Variants in HIF3A observed in about 807,000 individuals in gnomAD.
HIF3A encodes the protein hypoxia-inducible factor 3-alpha.
In HIF3A, 41 loss-of-function variants were observed where a neutral mutation model predicts 67.2. The ratio of observed to expected loss-of-function variants is 0.61; its 90% confidence interval spans 0.48 to 0.79. The LOEUF (loss-of-function observed/expected upper bound fraction) is 0.79, where lower values mean the gene tolerates loss of function less well. HIF3A is among the 30% of genes least tolerant of loss of function. HIF3A has a pLI of 0.00. For missense variants in HIF3A, 855 were observed against 898.0 expected, an observed-to-expected ratio of 0.95 and a Z score of 0.61; for synonymous variants, 356 against 374.8, an observed-to-expected ratio of 0.95 and a Z score of 0.58.
chr19:46,303,614 G>T (rs993709033), intron 1 of HIF3A: 3 of 1,565,022 alleles, frequency 1.9e-6, no homozygotes, highest in African/African-American at 2.7e-5. Context: ...AGTCAGGGAG[G>T]GGACAGAGCG....
chr19:46,318,155 T>C (rs1237077205), intron 8 of HIF3A, among the ~76,000 whole-genome samples: 1 of 151,784 alleles, frequency 6.6e-6, no homozygotes, highest in Non-Finnish European at 1.5e-5. Context: ...ATTACCACTA[T>C]CTAACCCAAC....
intron 13 of HIF3A, among the ~76,000 whole-genome samples, chr19:46,333,042 A>G (rs1327483344): frequency 2.4e-4 from 36 of 151,654 alleles, no homozygotes; most frequent in Admixed American, 2.0e-3. Flanking sequence ...GTGTATATAT[A>G]TGTATATATG....
rs760138491 is a variant in HIF3A at position 46,331,243 on chromosome 19, C to T, written c.1800C>T (p.His600=). 3.6e-5 allele frequency: 58 copies of T among 1,613,814 alleles called. No homozygotes were observed. Among genetic ancestry groups the T allele is most frequent in the South Asian group, 1.6e-4 (15 of 91,084 alleles). ...RPPKRSPSPE[H]ENFLLFPLSL... is the part of the protein sequence containing the mutation. ...CCAAAAGGTCCCCCAGCCCAGAACA[C>T]GAAAACTTTCTGCTCTTTCCTCTCA... The change falls in exon 13 of 15, where the codon CAC becomes CAT. Residue 600 remains histidine, a synonymous_variant. Coordinates refer to ENST00000377670, the MANE Select transcript of HIF3A (RefSeq NM_152795.4).
intron 1 of HIF3A, chr19:46,298,525 C>T (rs1362818951): frequency 1.6e-6 from 2 of 1,268,408 alleles, no homozygotes; most frequent in Non-Finnish European, 2.0e-6. Flanking sequence ...GTGAGTGGGC[C>T]CCCAACACCT....
intron 1 of HIF3A, among the ~76,000 whole-genome samples, chr19:46,300,619 C>T (rs1968238866): frequency 6.6e-6 from 1 of 152,174 alleles, no homozygotes; most frequent in Admixed American, 6.5e-5. Flanking sequence ...CAAGATCAAG[C>T]CACTGCACTC....
intron 1 of HIF3A, chr19:46,303,544 C>A: frequency 7.6e-7 from 1 of 1,322,402 alleles, no homozygotes; most frequent in Non-Finnish European, 9.9e-7. Context: ...CCAGCCCCCT[C>A]CCAGCAGGGG....
rs1363174276 is a variant in HIF3A at position 46,333,805 on chromosome 19, T to C, written c.1831-1100T>C. Among the ~76,000 whole-genome samples the C allele has an allele frequency of 2.1e-5, 3 of 140,214 alleles. No individual in the cohort carries two copies. In the East Asian group the frequency reaches 6.0e-4, roughly 28 times the overall value. The allele number at this position is 140,214 out of a possible 152,430, so 92.0% of individuals were successfully genotyped here. On this transcript the variant is annotated intron_variant, in intron 13 of 14. Coordinates refer to ENST00000377670, the MANE Select transcript of HIF3A (RefSeq NM_152795.4). ...CTTTCTTTCTTTTTTTTTTTTTTTT[T>C]TTTTTGAGACAGAGTCTCACTCTGT... is the stretch of plus-strand genomic sequence containing the variant.
intron 3 of HIF3A, 150 bp from the exon 4 acceptor site, chr19:46,308,069 GAT>G: frequency 1.5e-6 from 1 of 684,380 alleles, no homozygotes. Flanking sequence ...TCAGTGGGTG[GAT>G]GGATGGATGG....
At chr19:46,303,645 A>G in intron 1 of HIF3A, 6 of 1,584,114 alleles carry the variant, frequency 3.8e-6, no homozygotes, top group Non-Finnish European at 5.1e-6. Context: ...CGCCACAGAG[A>G]GGAGCGAGGC....
chr19:46,323,828 T>C (rs1970566187), intron 10 of HIF3A, among the ~76,000 whole-genome samples: 2 of 152,032 alleles, frequency 1.3e-5, no homozygotes, highest in Admixed American at 1.3e-4. Flanking sequence ...TATAAAACCA[T>C]CAGCTCTCAT....
chr19:46,304,209 C>A, intron 2 of HIF3A, 121 bp downstream of exon 2: 2 of 793,954 alleles, frequency 2.5e-6, no homozygotes, highest in South Asian at 1.8e-5. Context: ...CCCCTGGTGT[C>A]GTTTTTTTCG....
At position 46,320,498 on chromosome 19, in the gene HIF3A, C is replaced by T. The variant is rs202088407; in HGVS notation, c.1081C>T (p.Arg361Cys). The T allele has an allele frequency of 6.5e-5, 105 of 1,614,154 alleles. No individual in the cohort carries two copies. The East Asian group carries it at 1.5e-3, about 23-fold the overall frequency. The change falls in exon 9 of 15, where the codon CGC becomes TGC. Residue 361 changes from arginine (R) to cysteine (C), a missense_variant. Physicochemically the swap from Arg to Cys is radical, Grantham distance 180. Coordinates refer to ENST00000377670, the MANE Select transcript of HIF3A (RefSeq NM_152795.4). The part of the protein sequence containing the change: ...LSLEQTEQHS[R>C]RPIQRGAPSQ... ...CCTGGAGCAAACGGAGCAACACTCTCGCAGACCCATTCAGCGGGGCGCCCC... is the reference window on the plus strand; with the variant it reads ...CCTGGAGCAAACGGAGCAACACTCTTGCAGACCCATTCAGCGGGGCGCCCC...
intron 8 of HIF3A, chr19:46,313,244 C>G (rs572830876): frequency 2.4e-6 from 2 of 848,564 alleles, no homozygotes; most frequent in Non-Finnish European, 2.7e-6. Context: ...GAGCGAGACT[C>G]TGTCTCAAAC....
chr19:46,300,371 C>T (rs995499167), intron 1 of HIF3A, among the ~76,000 whole-genome samples: 1 of 152,136 alleles, frequency 6.6e-6, no homozygotes, highest in Admixed American at 6.5e-5. Context: ...AACAGTAAGT[C>T]TAACCTTGGC....
At chr19:46,326,500 C>T (rs1970793158) in intron 11 of HIF3A, among the ~76,000 whole-genome samples, 1 of 152,076 alleles carries the variant, frequency 6.6e-6, no homozygotes, top group Non-Finnish European at 1.5e-5. Flanking sequence ...TCATTGGGAA[C>T]TTCCAATGAT....
Position 46,339,882 on chromosome 19 carries a change from G to A in HIF3A, c.*260G>A. The A allele has an allele frequency of 2.6e-6, 1 of 385,060 alleles. No homozygotes were observed. Among genetic ancestry groups the A allele is most frequent in the South Asian group, 1.1e-4 (1 of 8,770 alleles). The allele number at this position is 385,060 out of a possible 1,614,324, so 23.9% of individuals were successfully genotyped here. On this transcript the variant is annotated 3_prime_UTR_variant, in exon 15 of 15. Transcript: ENST00000377670. ...TCCTCCTTCTCTCAGGATTTCTCTT[G>A]GGGTTCTCAATACTTGGTTACCTCA... is the stretch of plus-strand genomic sequence containing the variant.
chr19:46,339,877 C>A lies in HIF3A; in HGVS notation c.*255C>A. ...CCCCCTCCTCCTTCTCTCAGGATTT[C>A]TCTTGGGGTTCTCAATACTTGGTTA... On this transcript the variant is annotated 3_prime_UTR_variant, in exon 15 of 15. Transcript: ENST00000377670. 5.1e-6 allele frequency: 2 copies of A among 389,510 alleles called. No homozygotes were observed. The highest frequency in any genetic ancestry group is 1.1e-4 in the South Asian group (1 of 8,946). 24.1% of individuals were successfully genotyped at this position (389,510 alleles called of 1,614,324 possible). A position where few individuals can be genotyped will look rare whatever the true frequency, so the allele number is the denominator to read the frequency against.
rs184228589 is a variant in HIF3A, at chr19:46,321,804, C to T, written c.1173C>T (p.Phe391=). 57 of 1,613,844 alleles carry T rather than the reference C, an allele frequency of 3.5e-5. No homozygotes were observed. The highest frequency in any genetic ancestry group is 3.1e-4 in the East Asian group (14 of 44,860). ...CCCCTGGCCCCCGGATCCTTGCCTTCCTGCACCCGCCTTCCCTGAGCGAGG... is the reference window on the plus strand; with the variant it reads ...CCCCTGGCCCCCGGATCCTTGCCTTTCTGCACCCGCCTTCCCTGAGCGAGG... ...LDTPGPRILA[F]LHPPSLSEAA... is the part of the protein sequence containing the mutation. The change falls in exon 10 of 15, where the codon TTC becomes TTT. Residue 391 remains phenylalanine (F), a synonymous_variant. Transcript: ENST00000377670.
intron 3 of HIF3A, among the ~76,000 whole-genome samples, chr19:46,305,978 C>T (rs538629687): frequency 2.0e-5 from 3 of 152,056 alleles, no homozygotes; most frequent in Non-Finnish European, 4.4e-5. Flanking sequence ...ACTTGGGAGG[C>T]TGAGGTGGGA....
Sources: gnomAD v4.1 joint callset for allele counts (sites outside exome capture counted in the v4.1 genomes callset) on GRCh38, gnomAD v4.1.1 for gene constraint, MANE v1.5 for transcripts, NCBI Gene and HGNC (gene_info 2026-07-23, HGNC 2026-07-21) for gene names.